The following RPS3 variants were observed in gnomAD, a reference collection of about 807,000 sequenced individuals.
The protein encoded by RPS3 is ribosomal protein S3.
In RPS3, 2 loss-of-function variants were observed where a neutral mutation model predicts 25.8. The observed-to-expected ratio is 0.08, with a 90% CI of 0.03 to 0.24. The LOEUF (loss-of-function observed/expected upper bound fraction) is 0.24, where lower values mean the gene tolerates loss of function less well. Ranked by LOEUF, RPS3 falls within the 10% of genes least tolerant of loss-of-function variation. The pLI, the probability that RPS3 is intolerant of heterozygous loss-of-function variation, is 1.00. For missense variants in RPS3, 107 were observed against 307.1 expected, an observed-to-expected ratio of 0.35 and a Z score of 4.87; for synonymous variants, 114 against 114.2, an observed-to-expected ratio of 1.00 and a Z score of 0.01.
chr11:75,418,149 C>A (rs951421048), intron 6 of RPS3, among the ~76,000 whole-genome samples: 1 of 152,264 alleles, frequency 6.6e-6, no homozygotes, highest in South Asian at 2.1e-4. Context: ...GCTCTGCTTT[C>A]ATTCCAGGGA....
rs1260812939 is a variant in RPS3, at chr11:75,402,464, T to C, written c.350+18T>C. On this transcript the variant is annotated intron_variant, in intron 4 of 6. Coordinates refer to ENST00000531188, the MANE Select transcript of RPS3 (RefSeq NM_001005.5). ...GTGCGGAGGTAAGTGTCCTGAGACC[T>C]AATGGTCATGACCTTTTGTGTGTAT... 1.3e-6 allele frequency: 2 copies of C among 1,594,562 alleles called. No homozygotes were observed. The highest frequency in any genetic ancestry group is 2.0e-4 in the Middle Eastern group (1 of 5,122).
At chr11:75,409,875 C>T (rs1355365502), downstream of RPS3, among the ~76,000 whole-genome samples, 147 of 148,724 alleles carry the variant, frequency 9.9e-4, no homozygotes, top group East Asian at 0.026. Flanking sequence ...TCCTCACTTC[C>T]CAGTAGGGGC....
At chr11:75,402,075 T>C (rs937933788) in intron 3 of RPS3, 2 of 549,946 alleles carry the variant, frequency 3.6e-6, no homozygotes, top group Non-Finnish European at 6.5e-6. Context: ...ATACTGAAAT[T>C]ATATGCTGTA....
downstream of RPS3, among the ~76,000 whole-genome samples, chr11:75,410,329 G>A (rs1948339814): frequency 6.6e-6 from 1 of 151,860 alleles, no homozygotes; most frequent in African/African-American, 2.4e-5. Flanking sequence ...GCCGGGCAGA[G>A]GCGCTCCTCA....
chr11:75,400,965 C>A, intron 2 of RPS3, 141 bp downstream of exon 2: 1 of 1,245,582 alleles, frequency 8.0e-7, no homozygotes, highest in Non-Finnish European at 1.0e-6. Context: ...TCACTGCAAG[C>A]TCCGCCTCCC....
chr11:75,413,748 A>G (rs1039027532), intron 6 of RPS3, among the ~76,000 whole-genome samples: 1 of 152,242 alleles, frequency 6.6e-6, no homozygotes, highest in African/African-American at 2.4e-5. Context: ...ATTTTAGGGA[A>G]GACTCCCACA....
intron 2 of RPS3, 128 bp downstream of exon 2, chr11:75,400,952 G>C: frequency 7.7e-7 from 1 of 1,297,860 alleles, no homozygotes; most frequent in Non-Finnish European, 1.0e-6. Flanking sequence ...GCGCGATCTC[G>C]GCTCACTGCA....
rs145300008 is a variant in RPS3, at chr11:75,418,865, T to C, written c.*4-2862T>C. Among the ~76,000 whole-genome samples the C allele has an allele frequency of 4.2e-3, 635 of 152,266 alleles. 10 individuals are homozygous for C. Among genetic ancestry groups the C allele is most frequent in the African/African-American group, 0.015 (620 of 41,542 alleles). On this transcript the variant is annotated intron_variant, in intron 6 of 6. Coordinates refer to the RPS3 transcript ENST00000527446. ...GAGCAGGGAGTTCCACTGTGATATA[T>C]GCATCCCACCCTCACTGGCAGGCCA...
chr11:75,403,803 G>T, intron 4 of RPS3: 1 of 498,120 alleles, frequency 2.0e-6, no homozygotes, highest in Non-Finnish European at 3.5e-6. Flanking sequence ...TGCAGCCAGG[G>T]TTGGAAAGTA....
chr11:75,415,404 G>C (rs1244870892), intron 6 of RPS3, among the ~76,000 whole-genome samples: 4 of 152,210 alleles, frequency 2.6e-5, no homozygotes, highest in Non-Finnish European at 4.4e-5. Context: ...AGCTCTGGCG[G>C]GGTGTGGTGG....
chr11:75,419,719 C>T (rs942105014), intron 6 of RPS3, among the ~76,000 whole-genome samples: 1 of 151,996 alleles, frequency 6.6e-6, no homozygotes, highest in Non-Finnish European at 1.5e-5. Flanking sequence ...CTGCAACTTC[C>T]ACCTCCCAGG....
At chr11:75,410,091 G>A (rs1245316327), downstream of RPS3, among the ~76,000 whole-genome samples, 5 of 140,902 alleles carry the variant, frequency 3.5e-5, no homozygotes, top group Middle Eastern at 3.9e-3. Context: ...CCCCCCTCCC[G>A]GACTGGGCGG....
intron 6 of RPS3, among the ~76,000 whole-genome samples, chr11:75,419,336 CTGAGG>C (rs1565169360): frequency 6.6e-6 from 1 of 151,990 alleles, no homozygotes; most frequent in East Asian, 1.9e-4. Flanking sequence ...GGTGGATCAC[CTGAGG>C]TCAGGAGTTT....
intron 6 of RPS3, among the ~76,000 whole-genome samples, chr11:75,416,783 A>G (rs1260435627): frequency 1.3e-5 from 2 of 152,190 alleles, no homozygotes; most frequent in Non-Finnish European, 2.9e-5. Context: ...CTATGTATAA[A>G]TGCAGCTGTT....
intron 6 of RPS3, among the ~76,000 whole-genome samples, chr11:75,420,084 C>T (rs138351409): frequency 7.8e-4 from 119 of 152,290 alleles, no homozygotes; most frequent in African/African-American, 2.7e-3. Context: ...AGGGAGCGAA[C>T]GGCAAAGCCG....
chr11:75,400,279 T>A lies in RPS3; in HGVS notation c.31-415T>A, dbSNP rs1467466499. 4 of 451,422 alleles carry A rather than the reference T, an allele frequency of 8.9e-6. No individual in the cohort carries two copies. The Admixed American group carries it at 9.5e-5, about 11-fold the overall frequency. The allele number at this position is 451,422 out of a possible 1,614,324, so 28.0% of individuals were successfully genotyped here. ...CAAGTGAGAGAGCTTATATGTTAAG[T>A]CTACTATCTATTCCTTAACAGTGAC... On this transcript the variant is annotated intron_variant, in intron 1 of 6. Coordinates refer to ENST00000531188, the MANE Select transcript of RPS3 (RefSeq NM_001005.5).
chr11:75,401,842 AACTG>A lies in RPS3; in HGVS notation c.255+110_255+113del. 5.7e-6 allele frequency: 4 copies of A among 696,144 alleles called. No homozygotes were observed. The South Asian group carries it at 6.7e-5, about 12-fold the overall frequency. 43.1% of individuals were successfully genotyped at this position (696,144 alleles called of 1,614,324 possible). A position where few individuals can be genotyped will look rare whatever the true frequency, so the allele number is the denominator to read the frequency against. ...TTGTTCATTACAAATGGACTGGTATAACTGTTGAAATTCTCTTAATGAATAATGG... is the reference window on the plus strand; with the variant it reads ...TTGTTCATTACAAATGGACTGGTATATTGAAATTCTCTTAATGAATAATGG... On this transcript the variant is annotated intron_variant, in intron 3 of 6. Transcript: ENST00000531188.
chr11:75,411,377 G>T (rs12292210), downstream of RPS3, among the ~76,000 whole-genome samples: 16,579 of 151,826 alleles, frequency 0.11, 1,080 homozygotes, highest in South Asian at 0.22. Context: ...GCAAGTATTT[G>T]TATTTTATTT....
At chr11:75,417,588 C>T (rs1948410185) in intron 6 of RPS3, among the ~76,000 whole-genome samples, 1 of 152,206 alleles carries the variant, frequency 6.6e-6, no homozygotes, top group South Asian at 2.1e-4. Context: ...CAGAGTGAGA[C>T]TCCGTCACAC....
Sources: allele counts gnomAD v4.1 joint callset (sites outside exome capture counted in the v4.1 genomes callset), GRCh38; gene constraint gnomAD v4.1.1; transcripts MANE v1.5; gene names NCBI Gene and HGNC (gene_info 2026-07-23, HGNC 2026-07-21).